PNO1: variants seen among roughly 807,000 people sequenced by gnomAD.
The protein encoded by PNO1 is partner of NOB1 homolog.
Under a neutral mutation model 28.4 loss-of-function variants are expected in PNO1, and 16 were observed. That is an observed-to-expected ratio of 0.56 (90% confidence interval 0.38 to 0.85). PNO1 has a LOEUF of 0.85. Among genes scored for constraint, PNO1 ranks in the 40% least tolerant of loss-of-function variants. The probability of loss-of-function intolerance (pLI) is 0.00; values close to 1 mark genes in which losing one functional copy is unlikely to be tolerated. For synonymous variants in PNO1, 115 were observed against 110.8 expected (o/e 1.04, Z -0.24); for missense variants, 304 against 312.2 (o/e 0.97, Z 0.20).
intron 5 of PNO1, among the ~76,000 whole-genome samples, chr2:68,171,281 T>C (rs1674125404): frequency 6.6e-6 from 1 of 152,216 alleles, no homozygotes; most frequent in South Asian, 2.1e-4. Context: ...ATTTGAGAAA[T>C]CTCTCCTGGA....
rs1176336652 is a variant in PNO1 at position 68,175,889 on chromosome 2, G to T, written c.*1087G>T. 6.6e-6 allele frequency: 1 copy of T among 152,170 alleles called. No individual in the cohort carries two copies. The highest frequency in any genetic ancestry group is 1.5e-5 in the Non-Finnish European group (1 of 68,030). The allele number at this position is 152,170 out of a possible 1,614,324, so 9.4% of individuals were successfully genotyped here. On this transcript the variant is annotated 3_prime_UTR_variant, in exon 7 of 7. Coordinates refer to ENST00000263657, the MANE Select transcript of PNO1 (RefSeq NM_020143.4). The stretch of plus-strand genomic sequence containing the variant: ...TAAAAGGGCTCCGAACACTACATTA[G>T]CCTACAGTTGGGCAAAATCGTCTAA...
intron 2 of PNO1, chr2:68,161,313 C>G (rs1480719834): frequency 2.1e-6 from 1 of 474,776 alleles, no homozygotes; most frequent in Non-Finnish European, 4.4e-6. Flanking sequence ...GGAAGACTGC[C>G]TTGAGAGAGA....
At chr2:68,168,921 CTTTTTTT>C (rs57701897) in intron 5 of PNO1, among the ~76,000 whole-genome samples, 24 of 72,474 alleles carry the variant, frequency 3.3e-4, no homozygotes, top group African/African-American at 1.3e-3. Context: ...CAGCTTTTTT[CTTTTTTT>C]TTTTTTTTTT....
Position 68,161,883 on chromosome 2 carries a change from T to A in PNO1, c.441+117T>A, listed in dbSNP as rs1673840497. 4.3e-6 allele frequency: 3 copies of A among 690,824 alleles called. No individual in the cohort carries two copies. In the Admixed American group the frequency reaches 7.9e-5, roughly 18 times the overall value. The allele number at this position is 690,824 out of a possible 1,614,324, so 42.8% of individuals were successfully genotyped here. ...GGCACAGTGGCTCACACCTGTAATC[T>A]CAGCACTCTGGGAGGCTGAGGCAGG... On this transcript the variant is annotated intron_variant, in intron 3 of 6. Coordinates refer to ENST00000263657, the MANE Select transcript of PNO1 (RefSeq NM_020143.4).
intron 5 of PNO1, among the ~76,000 whole-genome samples, chr2:68,165,860 C>A (rs753753041): frequency 6.6e-6 from 1 of 152,068 alleles, no homozygotes; most frequent in African/African-American, 2.4e-5. Context: ...CAATAAAATT[C>A]TATTGTTTTA....
intron 1 of PNO1, 62 bp downstream of exon 1, chr2:68,158,203 G>A (rs1673722870): frequency 5.4e-6 from 8 of 1,491,268 alleles, no homozygotes; most frequent in African/African-American, 1.4e-5. Flanking sequence ...CAAGCCGATG[G>A]CCTCTGGAGA....
rs549336372 is a variant in PNO1 at position 68,172,209 on chromosome 2, T to C, written c.621-1138T>C. On this transcript the variant is annotated intron_variant, in intron 5 of 6. Coordinates refer to ENST00000263657, the MANE Select transcript of PNO1 (RefSeq NM_020143.4). ...AGCTAACATCTTCACAGGTGATCTGTAGGGGCAGCTGAGGACCGCAGCCAG... is the reference window on the plus strand; with the variant it reads ...AGCTAACATCTTCACAGGTGATCTGCAGGGGCAGCTGAGGACCGCAGCCAG... 2.0e-5 allele frequency among the ~76,000 whole-genome samples: 3 copies of C among 152,262 alleles called. No individual in the cohort carries two copies. The South Asian group carries it at 6.2e-4, about 32-fold the overall frequency.
intron 6 of PNO1, among the ~76,000 whole-genome samples, chr2:68,173,719 A>C (rs980636115): frequency 6.6e-6 from 1 of 151,610 alleles, no homozygotes. Context: ...AGTAGCTGAG[A>C]CTAAAGACGC....
At chr2:68,173,297 G>T (rs1246887775) in intron 5 of PNO1, 50 bp from the exon 6 acceptor site, 2 of 1,102,442 alleles carry the variant, frequency 1.8e-6, no homozygotes. Context: ...GATTACAGGT[G>T]TGAGTCATTG....
In PNO1 at chr2:68,170,734, C is replaced by T. The variant is rs190390094; in HGVS notation, c.621-2613C>T. 1.1e-4 allele frequency among the ~76,000 whole-genome samples: 11 copies of T among 96,016 alleles called. No individual in the cohort carries two copies. The Admixed American group carries it at 1.3e-3, about 12-fold the overall frequency. The allele number at this position is 96,016 out of a possible 152,430, so 63.0% of individuals were successfully genotyped here. On this transcript the variant is annotated intron_variant, in intron 5 of 6. Transcript: ENST00000263657. ...CTGCACTCCAGCCTGGGGGACAGAG[C>T]AAGACTCCGTCTCAAAAAAAAAAAA...
chr2:68,158,717 G>T (rs984727566), intron 2 of PNO1, among the ~76,000 whole-genome samples, 188 bp downstream of exon 2: 1 of 152,174 alleles, frequency 6.6e-6, no homozygotes, highest in Non-Finnish European at 1.5e-5. Context: ...AATATTAATT[G>T]AATTTGTAAA....
In PNO1 at chr2:68,157,967, G is replaced by T. The variant is rs759735930; in HGVS notation, c.33G>T (p.Arg11Ser). The change falls in exon 1 of 7, where the codon AGG becomes AGT. Residue 11 changes from arginine (R) to serine (S), a missense_variant. Transcript: ENST00000263657. ...CCGAAATGGAAACGCAGAGCGCCAG[G>T]GCAGAGGAGGGCTTTACCCAGGTCA... is the stretch of plus-strand genomic sequence containing the variant. MESEMETQSA[R>S]AEEGFTQVTR... 4 of 1,614,014 alleles carry T rather than the reference G, an allele frequency of 2.5e-6. No homozygotes were observed. In the East Asian group the frequency reaches 8.9e-5, roughly 36 times the overall value.
chr2:68,170,747 CA>C (rs767088135), intron 5 of PNO1, among the ~76,000 whole-genome samples: 3,024 of 60,954 alleles, frequency 0.05, 49 homozygotes, highest in African/African-American at 0.16. Context: ...GACTCCGTCT[CA>C]AAAAAAAAAA....
At chr2:68,170,140 TTAGA>T (rs1176220650) in intron 5 of PNO1, among the ~76,000 whole-genome samples, 1 of 152,224 alleles carries the variant, frequency 6.6e-6, no homozygotes, top group Non-Finnish European at 1.5e-5. Context: ...AATAAAGCTG[TTAGA>T]TGGGCTGTTG....
At chr2:68,168,535 C>G (rs995205919) in intron 5 of PNO1, among the ~76,000 whole-genome samples, 15 of 152,166 alleles carry the variant, frequency 9.9e-5, no homozygotes, top group African/African-American at 3.4e-4. Context: ...TTGTTTATCA[C>G]AAGGCCAGTG....
At position 68,157,902 on chromosome 2, in the gene PNO1, G is replaced by C. The variant is rs1423835765; in HGVS notation, c.-33G>C. On this transcript the variant is annotated 5_prime_UTR_variant, in exon 1 of 7. Transcript: ENST00000263657. The stretch of plus-strand genomic sequence containing the variant: ...TTCTGCGTGGTGCAGCTGCGCACGT[G>C]TTTCAGCCGGCAGCGCTTTAAGATT... 6.3e-7 allele frequency: 1 copy of C among 1,598,980 alleles called. No individual in the cohort carries two copies.
chr2:68,173,929 G>A (rs1233264447), intron 6 of PNO1, among the ~76,000 whole-genome samples: 3 of 152,182 alleles, frequency 2.0e-5, no homozygotes, highest in Non-Finnish European at 4.4e-5. Flanking sequence ...CAAGAGAAGA[G>A]AAGGTGTTTA....
Position 68,175,140 on chromosome 2 carries a change from T to C in PNO1, c.*338T>C, listed in dbSNP as rs1340575827. 1 of 170,228 alleles carries C rather than the reference T, an allele frequency of 5.9e-6. No homozygotes were observed. Among genetic ancestry groups the C allele is most frequent in the Non-Finnish European group, 1.2e-5 (1 of 80,186 alleles). 10.5% of individuals were successfully genotyped at this position (170,228 alleles called of 1,614,324 possible). A position where few individuals can be genotyped will look rare whatever the true frequency, so the allele number is the denominator to read the frequency against. ...AGCTCTATATGGATTTATACTTTTA[T>C]ATTTATAAATTTATAACTTCATACA... is the stretch of plus-strand genomic sequence containing the variant. On this transcript the variant is annotated 3_prime_UTR_variant, in exon 7 of 7. Transcript: ENST00000263657.
At chr2:68,159,800 G>A (rs1673783521) in intron 2 of PNO1, among the ~76,000 whole-genome samples, 1 of 151,796 alleles carries the variant, frequency 6.6e-6, no homozygotes, top group African/African-American at 2.4e-5. Context: ...CTCTCATTCA[G>A]GCTTTTATGG....
Sources: gnomAD v4.1 joint callset for allele counts (sites outside exome capture counted in the v4.1 genomes callset) on GRCh38, gnomAD v4.1.1 for gene constraint, MANE v1.5 for transcripts, NCBI Gene and HGNC (gene_info 2026-07-23, HGNC 2026-07-21) for gene names.